PARM1: variants seen among roughly 807,000 people sequenced by gnomAD.
PARM1 encodes WSC4, cell wall integrity and stress response component 4 homolog.
PARM1 carries 14 observed loss-of-function variants against 24.6 expected under a neutral mutation model. The ratio of observed to expected loss-of-function variants is 0.57; its 90% CI spans 0.38 to 0.89. PARM1 has a LOEUF of 0.89. Among genes scored for constraint, PARM1 ranks in the 40% least tolerant of loss-of-function variants. The probability of loss-of-function intolerance (pLI) is 0.00; values close to 1 mark genes in which losing one functional copy is unlikely to be tolerated. For missense variants in PARM1, 362 were observed against 380.4 expected (o/e 0.95, Z 0.40); for synonymous variants, 179 against 156.6 (o/e 1.14, Z -1.07).
Position 75,046,419 on chromosome 4 carries a change from T to A in PARM1, c.*172T>A. ...TCTGGCTGCTACAACTTCCCCTTTC[T>A]GGTACAAGAAGAACCATTCTTTAAA... On this transcript the variant is annotated 3_prime_UTR_variant, in exon 4 of 4. Coordinates refer to ENST00000307428, the MANE Select transcript of PARM1 (RefSeq NM_015393.4). 4 of 530,786 alleles carry A rather than the reference T, an allele frequency of 7.5e-6. No individual in the cohort carries two copies. In the South Asian group the frequency reaches 8.2e-5, roughly 11 times the overall value. 32.9% of individuals were successfully genotyped at this position (530,786 alleles called of 1,614,324 possible). A position where few individuals can be genotyped will look rare whatever the true frequency, so the allele number is the denominator to read the frequency against.
intron 2 of PARM1, among the ~76,000 whole-genome samples, chr4:75,021,013 T>C (rs1226882077): frequency 6.6e-6 from 1 of 152,224 alleles, no homozygotes; most frequent in Admixed American, 6.5e-5. Context: ...TCTTCACTGC[T>C]TTTAAAGTAC....
chr4:75,012,671 G>C lies in PARM1; in HGVS notation c.290G>C (p.Trp97Ser). The change falls in exon 2 of 4, where the codon TGG becomes TCG. Residue 97 changes from tryptophan to serine, a missense_variant. Physicochemically the swap from Trp to Ser is radical, Grantham distance 177. Coordinates refer to ENST00000307428, the MANE Select transcript of PARM1 (RefSeq NM_015393.4). ...EEEITSPGSN[W>S]EGTNTDPSPS... ...GAGATCACCAGCCCAGGTTCGAATT[G>C]GGAAGGCACAAACACAGACCCCTCA... is the stretch of plus-strand genomic sequence containing the variant. 1.2e-6 allele frequency: 2 copies of C among 1,613,938 alleles called. No homozygotes were observed. Among genetic ancestry groups the C allele is most frequent in the South Asian group, 1.1e-5 (1 of 91,068 alleles).
chr4:75,031,497 G>C (rs1723277954), intron 2 of PARM1, among the ~76,000 whole-genome samples: 1 of 151,824 alleles, frequency 6.6e-6, no homozygotes, highest in Non-Finnish European at 1.5e-5. Context: ...CCATCATATG[G>C]AGGAGAAGTG....
chr4:75,013,254 C>T (rs1322705204), intron 2 of PARM1, 104 bp downstream of exon 2: 2 of 1,160,122 alleles, frequency 1.7e-6, no homozygotes, highest in African/African-American at 1.5e-5. Flanking sequence ...TGGAGTGTAA[C>T]ACCTAAGTTG....
chr4:74,943,132 C>G (rs1171673435), intron 1 of PARM1, among the ~76,000 whole-genome samples: 1 of 152,142 alleles, frequency 6.6e-6, no homozygotes, highest in East Asian at 1.9e-4. Flanking sequence ...TGACCGACCT[C>G]TTAAAATTGT....
At chr4:74,959,560 C>A (rs1484199807) in intron 1 of PARM1, among the ~76,000 whole-genome samples, 1 of 152,186 alleles carries the variant, frequency 6.6e-6, no homozygotes, top group Non-Finnish European at 1.5e-5. Flanking sequence ...TAATCCATAA[C>A]TCACTGATAG....
intron 2 of PARM1, among the ~76,000 whole-genome samples, chr4:75,029,620 T>G (rs1421013765): frequency 6.6e-6 from 1 of 152,176 alleles, no homozygotes; most frequent in Admixed American, 6.5e-5. Context: ...ATATATAAAT[T>G]ACCATCTTGA....
intron 1 of PARM1, among the ~76,000 whole-genome samples, chr4:75,005,250 G>A (rs544098464): frequency 7.9e-4 from 120 of 152,298 alleles, no homozygotes; most frequent in African/African-American, 2.8e-3. Flanking sequence ...GCAGCAGCAG[G>A]AAAGGGCTTG....
intron 1 of PARM1, among the ~76,000 whole-genome samples, chr4:74,961,703 A>C (rs927804752): frequency 1.3e-5 from 2 of 152,234 alleles, no homozygotes; most frequent in East Asian, 3.8e-4. Context: ...CTGTCAACCA[A>C]GAATCCTATA....
At chr4:74,942,218 C>T (rs1011527960) in intron 1 of PARM1, among the ~76,000 whole-genome samples, 4 of 152,052 alleles carry the variant, frequency 2.6e-5, no homozygotes, top group African/African-American at 9.7e-5. Flanking sequence ...TATTTTTTTC[C>T]ACTGTTGTAT....
chr4:74,936,061 C>A (rs1441826140), intron 1 of PARM1, among the ~76,000 whole-genome samples: 1 of 152,056 alleles, frequency 6.6e-6, no homozygotes, highest in Non-Finnish European at 1.5e-5. Context: ...TCTTGAACTC[C>A]TGAACGTAAG....
chr4:74,988,494 A>G (rs968751947), intron 1 of PARM1, among the ~76,000 whole-genome samples: 1 of 152,224 alleles, frequency 6.6e-6, no homozygotes, highest in African/African-American at 2.4e-5. Context: ...GAAGATGACC[A>G]TAACTCAGTA....
intron 1 of PARM1, among the ~76,000 whole-genome samples, chr4:74,943,954 T>C (rs1382999921): frequency 6.6e-6 from 1 of 152,214 alleles, no homozygotes; most frequent in Non-Finnish European, 1.5e-5. Context: ...TCGGTTGTTC[T>C]GAAATATGAA....
intron 1 of PARM1, among the ~76,000 whole-genome samples, chr4:74,972,289 T>A (rs556299921): frequency 6.6e-6 from 1 of 152,314 alleles, no homozygotes; most frequent in Admixed American, 6.5e-5. Context: ...AAACATTGGA[T>A]TTGTTTTGTT....
intron 1 of PARM1, among the ~76,000 whole-genome samples, chr4:74,938,798 T>C (rs954024880): frequency 6.6e-6 from 1 of 152,218 alleles, no homozygotes; most frequent in African/African-American, 2.4e-5. Flanking sequence ...TGTTTTAACA[T>C]GGCTTATAGA....
intron 2 of PARM1, among the ~76,000 whole-genome samples, chr4:75,019,127 A>G (rs140622366): frequency 6.6e-6 from 1 of 152,212 alleles, no homozygotes; most frequent in Non-Finnish European, 1.5e-5. Flanking sequence ...TTTGGCTCTT[A>G]AAGGAAGAGA....
chr4:75,012,628 A>G lies in PARM1; in HGVS notation c.247A>G (p.Ile83Val), dbSNP rs1398255404. 3.1e-6 allele frequency: 5 copies of G among 1,613,852 alleles called. No homozygotes were observed. The South Asian group carries it at 4.4e-5, about 14-fold the overall frequency. The change falls in exon 2 of 4, where the codon ATA (isoleucine) becomes GTA (valine). Residue 83 changes from isoleucine (I) to valine (V), a missense_variant. Ile to Val is a conservative substitution (Grantham distance 29). Coordinates refer to ENST00000307428, the MANE Select transcript of PARM1 (RefSeq NM_015393.4). ...PTSLLPKNIS[I>V]ESREEEITSP... The stretch of plus-strand genomic sequence containing the variant: ...ATCTCTGCTTCCTAAGAACATTTCC[A>G]TAGAGTCCAGAGAAGAGGAGATCAC...
At chr4:75,041,472 A>T (rs1723482896) in intron 3 of PARM1, among the ~76,000 whole-genome samples, 1 of 152,158 alleles carries the variant, frequency 6.6e-6, no homozygotes, top group Admixed American at 6.5e-5. Context: ...ACTAAAGAGG[A>T]GAGGGCTTTG....
At position 75,039,302 on chromosome 4, in the gene PARM1, C is replaced by A. The variant is rs150261177; in HGVS notation, c.848+5341C>A. On this transcript the variant is annotated intron_variant, in intron 3 of 3. Coordinates refer to ENST00000307428, the MANE Select transcript of PARM1 (RefSeq NM_015393.4). ...ATCCCAGCAATTTGGGAGGCTGAGG[C>A]GGGCAGATCATGAGGTCAGGAGATC... Among the ~76,000 whole-genome samples, 6 of 152,004 alleles carry A rather than the reference C, an allele frequency of 3.9e-5. No individual in the cohort carries two copies. In the South Asian group the frequency reaches 6.2e-4, roughly 16 times the overall value.
Sources: gnomAD v4.1 joint callset for allele counts (sites outside exome capture counted in the v4.1 genomes callset) on GRCh38, gnomAD v4.1.1 for gene constraint, MANE v1.5 for transcripts, NCBI Gene and HGNC (gene_info 2026-07-23, HGNC 2026-07-21) for gene names.